PPP1R12C: variants seen among roughly 807,000 people sequenced by gnomAD.
PPP1R12C encodes the protein leukocyte receptor cluster (LRC) encoded novel gene 3.
Under a neutral mutation model 95.6 loss-of-function variants are expected in PPP1R12C, and 48 were observed. The ratio of observed to expected loss-of-function variants is 0.50; its 90% CI spans 0.40 to 0.64. PPP1R12C has a LOEUF of 0.64. Among genes scored for constraint, PPP1R12C ranks in the 30% least tolerant of loss-of-function variants. The pLI is 0.00. For missense variants in PPP1R12C, 1,057 were observed against 1,083.3 expected (o/e 0.98, Z 0.34); for synonymous variants, 480 against 460.8 (o/e 1.04, Z -0.53).
Position 55,096,258 on chromosome 19 carries a change from A to G in PPP1R12C, c.1025+4T>C, listed in dbSNP as rs752434303. 9 of 1,613,724 alleles carry G rather than the reference A, an allele frequency of 5.6e-6. No homozygotes were observed. The highest frequency in any genetic ancestry group is 1.1e-5 in the South Asian group (1 of 91,090). ...GCCAGCCCTGGACTCCTCCCTCCCT[A>G]TACCTTCTGTGTTTGCTGCTAGAGG... is the stretch of plus-strand genomic sequence containing the variant. On this transcript the variant is annotated splice_donor_region_variant and intron_variant, in intron 7 of 21. Transcript: ENST00000263433.
chr19:55,095,626 G>A (rs1301569822), intron 9 of PPP1R12C, 23 bp from the exon 10 acceptor site: 1 of 1,535,380 alleles, frequency 6.5e-7, no homozygotes, highest in East Asian at 2.3e-5. Context: ...GGAGGTCTCA[G>A]TTAGAGAGAA....
rs1258096248 is a variant in PPP1R12C, at chr19:55,109,259, T to G, written c.571+3208A>C. Among the ~76,000 whole-genome samples, 2 of 152,190 alleles carry G rather than the reference T, an allele frequency of 1.3e-5. No homozygotes were observed. Among genetic ancestry groups the G allele is most frequent in the East Asian group, 3.8e-4 (2 of 5,202 alleles). On this transcript the variant is annotated intron_variant, in intron 3 of 21. Transcript: ENST00000263433. The surrounding 1 kb of genome is among the most constrained non-coding windows in gnomAD (Gnocchi z 4.4). ...GGGAGCGTACGTGCATTCCCACGCC[T>G]GGCTAATGTGTTTTGTTTTATAGAG...
At position 55,103,396 on chromosome 19, in the gene PPP1R12C, T is replaced by C. The variant is rs895962862; in HGVS notation, c.731+13A>G. 4 of 1,470,996 alleles carry C rather than the reference T, an allele frequency of 2.7e-6. No homozygotes were observed. Among genetic ancestry groups the C allele is most frequent in the Non-Finnish European group, 3.6e-6 (4 of 1,096,406 alleles). The allele number at this position is 1,470,996 out of a possible 1,614,324, so 91.1% of individuals were successfully genotyped here. ...TATAAGACAGCAAGATGGAACAGAC[T>C]GGCCCAACTCACCTCATCACCTCAA... On this transcript the variant is annotated intron_variant, in intron 4 of 21. Transcript: ENST00000263433.
chr19:55,104,241 TTA>T (rs961758381), intron 3 of PPP1R12C, among the ~76,000 whole-genome samples: 2 of 142,886 alleles, frequency 1.4e-5, no homozygotes, highest in African/African-American at 5.2e-5. Flanking sequence ...TAAAAAATAT[TTA>T]TATATATAAT....
chr19:55,092,182 G>A (rs1357515588), intron 19 of PPP1R12C, 40 bp downstream of exon 19: 2 of 1,506,392 alleles, frequency 1.3e-6, no homozygotes, highest in Admixed American at 2.0e-5. Context: ...CACCCAGGCG[G>A]CCCTGCCAGT....
Position 55,117,408 on chromosome 19 carries a change from T to G in PPP1R12C, c.136A>C (p.Thr46Pro). Residue 46 changes from threonine to proline, a missense_variant, in exon 1 of 22, where the codon ACC becomes CCC. By Grantham distance (38) the Thr-to-Pro change is conservative. Transcript: ENST00000263433. Reference sequence around the variant, plus strand: ...TCGGCGGCGCGCTCGAAGCGGACGGTGCGGGCGCGGCGCTCTCCGGGGCCA... The same window carrying G: ...TCGGCGGCGCGCTCGAAGCGGACGGGGCGGGCGCGGCGCTCTCCGGGGCCA... ...EPGPGERRARTVRFERAAEFL... is the reference protein window; with the variant it reads ...EPGPGERRARPVRFERAAEFL... The G allele has an allele frequency of 9.7e-7, 1 of 1,026,234 alleles. No homozygotes were observed. The highest frequency in any genetic ancestry group is 1.2e-6 in the Non-Finnish European group (1 of 859,580). 63.6% of individuals were successfully genotyped at this position (1,026,234 alleles called of 1,614,324 possible).
chr19:55,104,223 T>C (rs1028932998), intron 3 of PPP1R12C, among the ~76,000 whole-genome samples: 2 of 123,730 alleles, frequency 1.6e-5, no homozygotes. Flanking sequence ...CATACAAAAA[T>C]ATAAATATAA....
intron 3 of PPP1R12C, among the ~76,000 whole-genome samples, chr19:55,110,193 C>T (rs1399545638): frequency 6.6e-6 from 1 of 152,178 alleles, no homozygotes; most frequent in African/African-American, 2.4e-5. Flanking sequence ...CTAAATCACC[C>T]AGATCTGGAT....
At chr19:55,094,534 TC>T (rs748330762) in intron 12 of PPP1R12C, 99 bp from the exon 13 acceptor site, 7 of 1,577,474 alleles carry the variant, frequency 4.4e-6, no homozygotes, top group Non-Finnish European at 6.0e-6. Context: ...GGGAGGGGAC[TC>T]CAACTCCCAG....
At chr19:55,113,439 C>T (rs921413842) in intron 1 of PPP1R12C, 1 of 1,501,120 alleles carries the variant, frequency 6.7e-7, no homozygotes, top group South Asian at 1.2e-5. Context: ...ACTGAGGCCC[C>T]CTCTGCACGG....
intron 3 of PPP1R12C, among the ~76,000 whole-genome samples, chr19:55,110,161 G>A (rs889704861): frequency 1.3e-5 from 2 of 152,174 alleles, no homozygotes; most frequent in African/African-American, 4.8e-5. Context: ...GGAAAAGGAG[G>A]ACTGATCCAG....
chr19:55,092,605 T>C lies in PPP1R12C; in HGVS notation c.1952+17A>G, dbSNP rs911300410. On this transcript the variant is annotated intron_variant, in intron 17 of 21. Transcript: ENST00000263433. ...CCGGCCCGCACGCAGACCCCACCTC[T>C]CCCACCCCGCCCCTACCTGGACTCC... 1.3e-6 allele frequency: 2 copies of C among 1,513,958 alleles called. No individual in the cohort carries two copies. Among genetic ancestry groups the C allele is most frequent in the Non-Finnish European group, 1.8e-6 (2 of 1,125,242 alleles). The allele number at this position is 1,513,958 out of a possible 1,614,324, so 93.8% of individuals were successfully genotyped here. A position where few individuals can be genotyped will look rare whatever the true frequency, so the allele number is the denominator to read the frequency against.
intron 1 of PPP1R12C, chr19:55,113,438 C>T: frequency 6.7e-7 from 1 of 1,501,682 alleles, no homozygotes; most frequent in Non-Finnish European, 8.9e-7. Flanking sequence ...CACTGAGGCC[C>T]CCTCTGCACG....
intron 3 of PPP1R12C, among the ~76,000 whole-genome samples, chr19:55,108,683 C>T (rs542612429): frequency 2.6e-4 from 39 of 152,194 alleles, no homozygotes; most frequent in African/African-American, 8.9e-4. Flanking sequence ...GATACATCTA[C>T]ATTGTGTGTT....
At chr19:55,096,841 C>A (rs1241059354) in intron 6 of PPP1R12C, 10 of 223,516 alleles carry the variant, frequency 4.5e-5, no homozygotes, top group East Asian at 2.0e-4. Context: ...CCGTCTTCGC[C>A]CCTTCCCCGC....
At chr19:55,094,523 T>C in intron 12 of PPP1R12C, 88 bp from the exon 13 acceptor site, 1 of 1,589,106 alleles carries the variant, frequency 6.3e-7, no homozygotes, top group Non-Finnish European at 8.6e-7. Context: ...GCAAGTTCTG[T>C]GGGAGGGGAC....
At chr19:55,091,988 A>ACCCG in intron 19 of PPP1R12C, 79 bp from the exon 20 acceptor site, 1 of 1,540,890 alleles carries the variant, frequency 6.5e-7, no homozygotes. Context: ...CCTGCTGGGC[A>ACCCG]CCCGCCCGCC....
At chr19:55,101,723 A>T (rs1024668136) in intron 4 of PPP1R12C, among the ~76,000 whole-genome samples, 2 of 152,236 alleles carry the variant, frequency 1.3e-5, no homozygotes, top group Admixed American at 1.3e-4. Flanking sequence ...TAGAGTTTCC[A>T]GTCCCCCTTG....
intron 1 of PPP1R12C, among the ~76,000 whole-genome samples, chr19:55,116,021 T>C (rs1279292902): frequency 6.6e-6 from 1 of 151,962 alleles, no homozygotes; most frequent in Non-Finnish European, 1.5e-5. Context: ...GTAGGGGAGC[T>C]GCCCAAATGA....
Sources: gnomAD v4.1 joint callset for allele counts (sites outside exome capture counted in the v4.1 genomes callset) on GRCh38, gnomAD v4.1.1 for gene constraint, Gnocchi (gnomAD v3.1) non-coding constraint, MANE v1.5 for transcripts, NCBI Gene and HGNC (gene_info 2026-07-23, HGNC 2026-07-21) for gene names.